Variants in RBMS3 observed in about 807,000 individuals in gnomAD.
The protein encoded by RBMS3 is RNA-binding motif, single-stranded-interacting protein 3.
RBMS3 carries 27 observed loss-of-function variants against 66.8 expected under a neutral mutation model. The ratio of observed to expected loss-of-function variants is 0.40; its 90% CI spans 0.30 to 0.56. The LOEUF (loss-of-function observed/expected upper bound fraction) is 0.56. RBMS3 is among the 20% of genes least tolerant of loss of function. The pLI, the probability that RBMS3 is intolerant of heterozygous loss-of-function variation, is 0.40. For synonymous variants in RBMS3, 188 were observed against 183.0 expected (o/e 1.03, Z -0.22); for missense variants, 513 against 549.5 (o/e 0.93, Z 0.66).
intron 6 of RBMS3, among the ~76,000 whole-genome samples, chr3:29,819,044 C>T (rs188694081): frequency 3.0e-4 from 45 of 152,210 alleles, no homozygotes; most frequent in Admixed American, 1.4e-3. Flanking sequence ...CATTCCATTG[C>T]CACCCAACAA....
intron 1 of RBMS3, among the ~76,000 whole-genome samples, chr3:29,365,779 A>C (rs9811960): frequency 0.65 from 98,401 of 151,968 alleles, 32,205 homozygotes; most frequent in Non-Finnish European, 0.69. Context: ...TGAATGGAAA[A>C]AGAAATCACC....
intron 1 of RBMS3, among the ~76,000 whole-genome samples, chr3:29,403,220 A>G (rs1353784487): frequency 2.6e-5 from 4 of 152,080 alleles, no homozygotes; most frequent in Admixed American, 1.3e-4. Flanking sequence ...ATATTTTCTT[A>G]TCTTAGCAGG....
At chr3:29,541,082 A>C (rs960587080) in intron 3 of RBMS3, among the ~76,000 whole-genome samples, 1 of 152,184 alleles carries the variant, frequency 6.6e-6, no homozygotes, top group Non-Finnish European at 1.5e-5. Flanking sequence ...GGCCTAACCG[A>C]ATTTACCCTT....
intron 12 of RBMS3, among the ~76,000 whole-genome samples, chr3:29,948,822 A>C (rs1695491569): frequency 6.6e-6 from 1 of 151,776 alleles, no homozygotes; most frequent in African/African-American, 2.4e-5. Flanking sequence ...TTATTCAACT[A>C]ATATTTACAG....
chr3:29,834,611 T>C (rs1462873125), intron 6 of RBMS3, among the ~76,000 whole-genome samples: 2 of 151,960 alleles, frequency 1.3e-5, no homozygotes, highest in Non-Finnish European at 2.9e-5. Flanking sequence ...AAGGTAATCA[T>C]GAAGCAAACT....
At chr3:29,820,296 A>G (rs1247713882) in intron 6 of RBMS3, among the ~76,000 whole-genome samples, 1 of 148,892 alleles carries the variant, frequency 6.7e-6, no homozygotes, top group Non-Finnish European at 1.5e-5. Context: ...TTTAACTGAA[A>G]TGTTGCCAAA....
intron 1 of RBMS3, among the ~76,000 whole-genome samples, chr3:29,309,484 G>A (rs1298402864): frequency 2.6e-5 from 4 of 151,610 alleles, no homozygotes; most frequent in African/African-American, 7.3e-5. Flanking sequence ...TATAAGGTGG[G>A]CACTATGATG....
intron 1 of RBMS3, among the ~76,000 whole-genome samples, chr3:29,420,292 G>A (rs549650235): frequency 6.6e-6 from 1 of 152,194 alleles, no homozygotes; most frequent in African/African-American, 2.4e-5. Flanking sequence ...GCTGAGCCAG[G>A]GCCATCAATA....
chr3:29,412,768 G>A (rs916044440), intron 1 of RBMS3, among the ~76,000 whole-genome samples: 1 of 152,138 alleles, frequency 6.6e-6, no homozygotes, highest in Non-Finnish European at 1.5e-5. Flanking sequence ...TCACCAGCAG[G>A]GACATGAGAA....
intron 4 of RBMS3, among the ~76,000 whole-genome samples, chr3:29,597,561 CA>C (rs2047991876): frequency 6.6e-6 from 1 of 152,100 alleles, no homozygotes; most frequent in Non-Finnish European, 1.5e-5. Flanking sequence ...ATGACTTAAC[CA>C]CACCGTGAAA....
intron 12 of RBMS3, among the ~76,000 whole-genome samples, chr3:29,986,633 G>T (rs1336985673): frequency 6.6e-6 from 1 of 152,194 alleles, no homozygotes; most frequent in African/African-American, 2.4e-5. Flanking sequence ...ATACTCTATA[G>T]AGTAATCTTG....
chr3:29,365,324 A>G (rs945886905), intron 1 of RBMS3, among the ~76,000 whole-genome samples: 26 of 152,116 alleles, frequency 1.7e-4, no homozygotes, highest in African/African-American at 6.0e-4. Context: ...GGAGATATAT[A>G]TATATATTCT....
At chr3:29,514,650 C>CAT (rs10601940) in intron 3 of RBMS3, among the ~76,000 whole-genome samples, 10,298 of 103,524 alleles carry the variant, frequency 0.099, 559 homozygotes, top group Non-Finnish European at 0.13. Flanking sequence ...GTGATAGGCA[C>CAT]ATATATATAT....
intron 3 of RBMS3, among the ~76,000 whole-genome samples, chr3:29,584,568 C>A (rs889023622): frequency 1.3e-5 from 2 of 152,084 alleles, no homozygotes; most frequent in African/African-American, 4.8e-5. Context: ...ATTAGATTTT[C>A]CTTCTCCCCT....
intron 3 of RBMS3, among the ~76,000 whole-genome samples, chr3:29,492,039 G>C (rs1265703633): frequency 1.3e-5 from 2 of 152,016 alleles, no homozygotes; most frequent in Non-Finnish European, 2.9e-5. Flanking sequence ...TTTGCCCTGA[G>C]GGTAATACGA....
At chr3:29,685,303 C>T (rs551553422) in intron 4 of RBMS3, among the ~76,000 whole-genome samples, 67 of 152,178 alleles carry the variant, frequency 4.4e-4, no homozygotes, top group Non-Finnish European at 5.7e-4. Context: ...CCTCGTGATC[C>T]GCCCGCCTCG....
intron 4 of RBMS3, among the ~76,000 whole-genome samples, chr3:29,624,974 G>A (rs1167814226): frequency 2.0e-5 from 3 of 152,160 alleles, no homozygotes; most frequent in African/African-American, 7.2e-5. Flanking sequence ...AGTGGGAGGT[G>A]ATTGGAACAT....
chr3:29,848,131 T>C (rs1269300965), intron 6 of RBMS3, among the ~76,000 whole-genome samples: 2 of 152,198 alleles, frequency 1.3e-5, no homozygotes, highest in Non-Finnish European at 2.9e-5. Flanking sequence ...TCAGTTTCTG[T>C]TGGACATTTA....
At chr3:29,498,226 C>T (rs989010162) in intron 3 of RBMS3, among the ~76,000 whole-genome samples, 1 of 151,666 alleles carries the variant, frequency 6.6e-6, no homozygotes, top group African/African-American at 2.4e-5. Context: ...AACTCCTGAC[C>T]TCAGGTGATC....
Sources: allele counts gnomAD v4.1 joint callset (sites outside exome capture counted in the v4.1 genomes callset), GRCh38; gene constraint gnomAD v4.1.1; transcripts MANE v1.5; gene names NCBI Gene and HGNC (gene_info 2026-07-23, HGNC 2026-07-21).